The following COL8A1 variants were observed in gnomAD, a reference collection of about 807,000 sequenced individuals.
The protein encoded by COL8A1 is collagen type VIII alpha 1 chain, also known as collagen alpha-1(VIII) chain.
A neutral mutation model predicts 42.7 loss-of-function variants in COL8A1; 21 were observed. That is an observed-to-expected ratio of 0.49 (90% CI 0.35 to 0.71). The LOEUF is 0.71. Among genes scored for constraint, COL8A1 ranks in the 30% least tolerant of loss-of-function variants. The pLI is 0.01. For missense variants in COL8A1, 788 were observed against 962.4 expected (o/e 0.82, Z 2.40); for synonymous variants, 367 against 369.1 (o/e 0.99, Z 0.06).
intron 1 of COL8A1, chr3:99,703,378 G>T (rs893931391): frequency 6.6e-6 from 1 of 152,176 alleles, no homozygotes; most frequent in Non-Finnish European, 1.5e-5. Context: ...CTGGCAGCCG[G>T]CTCTGGAGGT....
At chr3:99,654,150 T>C (rs544391402) in intron 1 of COL8A1, among the ~76,000 whole-genome samples, 3 of 152,256 alleles carry the variant, frequency 2.0e-5, no homozygotes, top group East Asian at 3.9e-4. Context: ...AGGAGAAAAA[T>C]GAAGACCGGC....
chr3:99,784,170 T>C (rs1941848417), intron 2 of COL8A1, among the ~76,000 whole-genome samples: 1 of 152,222 alleles, frequency 6.6e-6, no homozygotes, highest in Non-Finnish European at 1.5e-5. Flanking sequence ...GCTGGAACTT[T>C]GTTAGCTAAT....
At chr3:99,776,823 C>T (rs1345244836) in intron 2 of COL8A1, among the ~76,000 whole-genome samples, 2 of 152,198 alleles carry the variant, frequency 1.3e-5, no homozygotes, top group Non-Finnish European at 2.9e-5. Context: ...AAGGGGTAGG[C>T]AATTCCCAGA....
chr3:99,722,499 T>C (rs1940183809), intron 1 of COL8A1, among the ~76,000 whole-genome samples: 1 of 152,084 alleles, frequency 6.6e-6, no homozygotes, highest in Non-Finnish European at 1.5e-5. Flanking sequence ...AGTAAAACAA[T>C]TGAAAATTAA....
Position 99,770,191 on chromosome 3 carries a change from A to T in COL8A1, c.-3-20489A>T, listed in dbSNP as rs544975344. On this transcript the variant is annotated intron_variant, in intron 2 of 3. Transcript: ENST00000652472. ...TTCAGATTCTTCGTGGCCCCTGGGTATAGGGCAGGACATGTTTGGAATGAG... is the reference window on the plus strand; with the variant it reads ...TTCAGATTCTTCGTGGCCCCTGGGTTTAGGGCAGGACATGTTTGGAATGAG... 3.3e-5 allele frequency among the ~76,000 whole-genome samples: 5 copies of T among 152,288 alleles called. No individual in the cohort carries two copies. The South Asian group carries it at 1.0e-3, about 32-fold the overall frequency.
At chr3:99,687,889 A>G (rs1417184274) in intron 1 of COL8A1, among the ~76,000 whole-genome samples, 1 of 152,194 alleles carries the variant, frequency 6.6e-6, no homozygotes, top group Non-Finnish European at 1.5e-5. Flanking sequence ...ATCTTCCAAC[A>G]TACTTGATGG....
At chr3:99,693,498 T>C (rs1309960334) in intron 1 of COL8A1, among the ~76,000 whole-genome samples, 3 of 152,196 alleles carry the variant, frequency 2.0e-5, no homozygotes, top group African/African-American at 4.8e-5. Flanking sequence ...TGACCCTGTG[T>C]AGGCCTAGGC....
At chr3:99,791,882 G>A (rs1942007103) in intron 3 of COL8A1, among the ~76,000 whole-genome samples, 1 of 152,184 alleles carries the variant, frequency 6.6e-6, no homozygotes, top group African/African-American at 2.4e-5. Context: ...TTCTTCATTT[G>A]TAAAATAAGA....
chr3:99,780,062 C>T (rs888710227), intron 2 of COL8A1, among the ~76,000 whole-genome samples: 1 of 152,122 alleles, frequency 6.6e-6, no homozygotes, highest in Non-Finnish European at 1.5e-5. Context: ...CTATTATTAC[C>T]ACTGCTCCTC....
At chr3:99,745,706 G>A (rs1941011204) in intron 2 of COL8A1, among the ~76,000 whole-genome samples, 2 of 152,036 alleles carry the variant, frequency 1.3e-5, no homozygotes, top group African/African-American at 4.8e-5. Flanking sequence ...TTCTTTGTAT[G>A]TGGTATTGAA....
chr3:99,726,624 A>C (rs1028220444), intron 1 of COL8A1, among the ~76,000 whole-genome samples: 2 of 152,078 alleles, frequency 1.3e-5, no homozygotes, highest in Admixed American at 1.3e-4. Context: ...TCAGCTTTCT[A>C]CCTATGGCTA....
intron 1 of COL8A1, among the ~76,000 whole-genome samples, chr3:99,735,297 T>G (rs1294397737): frequency 6.0e-5 from 7 of 116,024 alleles, no homozygotes; most frequent in Admixed American, 2.7e-4. Flanking sequence ...TTGTCATAGA[T>G]AGCTCTTATT....
At chr3:99,730,639 TA>T (rs1940477537) in intron 1 of COL8A1, among the ~76,000 whole-genome samples, 1 of 152,142 alleles carries the variant, frequency 6.6e-6, no homozygotes, top group Admixed American at 6.6e-5. Context: ...AAAGTCTTTT[TA>T]TTAAGACTTG....
At chr3:99,745,933 G>A (rs920716074) in intron 2 of COL8A1, among the ~76,000 whole-genome samples, 1 of 151,864 alleles carries the variant, frequency 6.6e-6, no homozygotes, top group Non-Finnish European at 1.5e-5. Flanking sequence ...CTGGTCTTAA[G>A]TGTGACTTTT....
chr3:99,751,035 T>C (rs1408234906), intron 2 of COL8A1, among the ~76,000 whole-genome samples: 2 of 152,188 alleles, frequency 1.3e-5, no homozygotes, highest in African/African-American at 4.8e-5. Context: ...AAAAGTGAAA[T>C]ATAGAGCTAT....
chr3:99,679,466 T>C (rs1460120171), intron 1 of COL8A1: 1 of 152,212 alleles, frequency 6.6e-6, no homozygotes, highest in African/African-American at 2.4e-5. Flanking sequence ...CCTCTGTCCT[T>C]CTATAATAGA....
At chr3:99,672,213 C>T (rs1938567687) in intron 1 of COL8A1, among the ~76,000 whole-genome samples, 1 of 151,920 alleles carries the variant, frequency 6.6e-6, no homozygotes, top group East Asian at 1.9e-4. Context: ...GAAAAGCTAT[C>T]GAAAAGAGAG....
chr3:99,702,391 C>T (rs1331038767), intron 1 of COL8A1, among the ~76,000 whole-genome samples: 1 of 152,188 alleles, frequency 6.6e-6, no homozygotes, highest in Non-Finnish European at 1.5e-5. Context: ...CCATTATTGT[C>T]ATGCAATAAA....
chr3:99,742,224 C>T (rs1940917633), intron 1 of COL8A1, among the ~76,000 whole-genome samples: 1 of 152,170 alleles, frequency 6.6e-6, no homozygotes, highest in Non-Finnish European at 1.5e-5. Context: ...CCATCAGTGA[C>T]ATATTTGAAA....
Sources: gnomAD v4.1 joint callset for allele counts (sites outside exome capture counted in the v4.1 genomes callset) on GRCh38, gnomAD v4.1.1 for gene constraint, MANE v1.5 for transcripts, NCBI Gene and HGNC (gene_info 2026-07-23, HGNC 2026-07-21) for gene names.